Variants in PIN4 observed in about 807,000 individuals in gnomAD.
PIN4 encodes the protein peptidyl-prolyl cis-trans isomerase NIMA-interacting 4.
PIN4 carries 3 observed loss-of-function variants against 8.3 expected under a neutral mutation model. The observed-to-expected ratio is 0.36, with a 90% CI of 0.16 to 0.93. PIN4 has a LOEUF of 0.93. PIN4 is among the 40% of genes least tolerant of loss of function. PIN4 has a pLI of 0.44. For missense variants in PIN4, 75 were observed against 100.6 expected, an observed-to-expected ratio of 0.75 and a Z score of 1.09; for synonymous variants, 18 against 32.5, an observed-to-expected ratio of 0.55 and a Z score of 1.52.
In PIN4 at chrX:72,196,714, A is replaced by G. The variant is rs150898375; in HGVS notation, c.118-71A>G. ...TTTTTTAACTGGTGGGGGTAATCCAAATGTAACCACTGTACTTTAAGGAGT... is the reference window on the plus strand; with the variant it reads ...TTTTTTAACTGGTGGGGGTAATCCAGATGTAACCACTGTACTTTAAGGAGT... On this transcript the variant is annotated intron_variant, in intron 2 of 3. Coordinates refer to ENST00000373669, the MANE Select transcript of PIN4 (RefSeq NM_006223.4). The G allele has an allele frequency of 6.9e-3, 6,605 of 954,211 alleles. 270 individuals carry two copies. In the African/African-American group the frequency reaches 0.11, roughly 16 times the overall value. 78.6% of individuals were successfully genotyped at this position (954,211 alleles called of 1,213,427 possible).
intron 3 of PIN4, among the ~76,000 whole-genome samples, chrX:72,260,085 T>C (rs2043131906): frequency 9.0e-6 from 1 of 110,616 alleles, no homozygotes; most frequent in African/African-American, 3.3e-5. Context: ...TCTTCAACAG[T>C]TGGATCAAAC....
At chrX:72,258,410 A>G (rs2043122477) in intron 3 of PIN4, among the ~76,000 whole-genome samples, 1 of 112,381 alleles carries the variant, frequency 8.9e-6, no homozygotes, top group Non-Finnish European at 1.9e-5. Flanking sequence ...CTCCCCCCAC[A>G]GCCACACGCA....
At chrX:72,208,299 A>G in intron 3 of PIN4, 1 of 1,212,090 alleles carries the variant, frequency 8.3e-7, no homozygotes, top group Non-Finnish European at 1.1e-6. Context: ...ATGTGTTAAT[A>G]AGATTGGTTG....
chrX:72,196,194 C>T (rs1392301379), intron 2 of PIN4, among the ~76,000 whole-genome samples: 1 of 110,860 alleles, frequency 9.0e-6, no homozygotes, highest in Non-Finnish European at 1.9e-5. Flanking sequence ...GCTCTCAACC[C>T]GTATCGTGTT....
At chrX:72,182,003 GT>G (rs2042675743) in intron 1 of PIN4, 175 bp downstream of exon 1, 1 of 459,958 alleles carries the variant, frequency 2.2e-6, no homozygotes, top group Non-Finnish European at 3.9e-6. Flanking sequence ...GACCGTCCTA[GT>G]GGGTAATGGA....
chrX:72,196,680 ATG>A, intron 2 of PIN4, 103 bp from the exon 3 acceptor site: 1 of 652,622 alleles, frequency 1.5e-6, no homozygotes, highest in Non-Finnish European at 2.3e-6. Flanking sequence ...CTATGAACTA[ATG>A]TGTTTTTTTT....
In PIN4 at chrX:72,258,247, G is replaced by A. The variant is rs1374016077; in HGVS notation, c.313-4460G>A. Among the ~76,000 whole-genome samples the A allele has an allele frequency of 1.3e-4, 15 of 112,120 alleles. No individual in the cohort carries two copies. The East Asian group carries it at 4.2e-3, about 32-fold the overall frequency. ...CCCAGCTCTGCCTTGGATCGGCCCT[G>A]GCCCAGAGGACCTTTGAAACCTTCT... On this transcript the variant is annotated intron_variant, in intron 3 of 3. Coordinates refer to the PIN4 transcript ENST00000423432.
In PIN4 at chrX:72,249,314, T is replaced by A. The variant is rs374000933; in HGVS notation, c.313-13393T>A. On this transcript the variant is annotated intron_variant, in intron 3 of 3. Coordinates refer to the PIN4 transcript ENST00000423432. Reference sequence around the variant, plus strand: ...AATTTAAAAGACAGACAATACCAAGTGTTAGCAAAGATATGGAACAACTGT... The same window carrying A: ...AATTTAAAAGACAGACAATACCAAGAGTTAGCAAAGATATGGAACAACTGT... Among the ~76,000 whole-genome samples the A allele has an allele frequency of 2.7e-5, 3 of 112,090 alleles. No individual in the cohort carries two copies. The East Asian group carries it at 8.4e-4, about 31-fold the overall frequency.
chrX:72,229,164 C>T (rs778613481), intron 3 of PIN4, among the ~76,000 whole-genome samples: 56 of 111,815 alleles, frequency 5.0e-4, no homozygotes, highest in African/African-American at 1.7e-3. Flanking sequence ...ACAAGCTTCA[C>T]TTTGCTTTTC....
chrX:72,215,643 C>A (rs2042883490), intron 3 of PIN4, among the ~76,000 whole-genome samples: 1 of 111,386 alleles, frequency 9.0e-6, no homozygotes, highest in Non-Finnish European at 1.9e-5. Context: ...AATTTGAAGG[C>A]ATACAAAAAG....
rs764610497 is a variant in PIN4 at position 72,219,753 on chromosome X, G to A, written c.312+22849G>A. Among the ~76,000 whole-genome samples, 20 of 108,576 alleles carry A rather than the reference G, an allele frequency of 1.8e-4. No individual in the cohort carries two copies. In the East Asian group the frequency reaches 5.9e-3, roughly 32 times the overall value. 94.3% of individuals were successfully genotyped at this position (108,576 alleles called of 115,157 possible). ...CATCCCAGCTACTCAGGAGGCTGAG[G>A]CAGGAGAATCACTTGAACCCGGGAG... On this transcript the variant is annotated intron_variant, in intron 3 of 3. Coordinates refer to the PIN4 transcript ENST00000423432.
At chrX:72,183,399 T>TACACTCTATAAAA (rs1307887891) in intron 1 of PIN4, among the ~76,000 whole-genome samples, 1 of 111,404 alleles carries the variant, frequency 9.0e-6, no homozygotes, top group African/African-American at 3.3e-5. Flanking sequence ...CAATTATCCA[T>TACACTCTATAAAA]GGAGAGTTTA....
intron 3 of PIN4, among the ~76,000 whole-genome samples, chrX:72,262,141 G>C (rs1435693841): frequency 1.8e-5 from 2 of 111,996 alleles, no homozygotes; most frequent in Non-Finnish European, 1.9e-5. Flanking sequence ...CAACATATTT[G>C]TGATTATTTA....
At chrX:72,248,291 GAA>G (rs55908553) in intron 3 of PIN4, among the ~76,000 whole-genome samples, 3 of 54,889 alleles carry the variant, frequency 5.5e-5, no homozygotes, top group Non-Finnish European at 1.2e-4. Flanking sequence ...GCTCCATCCA[GAA>G]AAAAAAAAAA....
In PIN4 at chrX:72,205,422, G is replaced by A. The variant is rs748979456; in HGVS notation, c.312+8518G>A. The A allele has an allele frequency of 1.7e-5, 20 of 1,210,215 alleles. No homozygotes were observed. The East Asian group carries it at 3.6e-4, about 21-fold the overall frequency. The stretch of plus-strand genomic sequence containing the variant: ...CAGGACCCTTTGCTTCACTGCTGTC[G>A]TCAAGTCTTTCCTCCATGTCCTCCA... On this transcript the variant is annotated intron_variant, in intron 3 of 3. Coordinates refer to the PIN4 transcript ENST00000423432.
intron 3 of PIN4, among the ~76,000 whole-genome samples, chrX:72,261,956 C>T (rs985273802): frequency 1.2e-4 from 13 of 110,363 alleles, no homozygotes; most frequent in African/African-American, 4.0e-4. Context: ...TCTCCCCATC[C>T]TCTGAGTCCT....
At chrX:72,246,905 C>T (rs1314870476) in intron 3 of PIN4, among the ~76,000 whole-genome samples, 1 of 112,186 alleles carries the variant, frequency 8.9e-6, no homozygotes, top group East Asian at 2.8e-4. Context: ...ATCATGTGAG[C>T]TCTGTGAAGA....
chrX:72,211,931 C>G (rs1396457193), intron 3 of PIN4, among the ~76,000 whole-genome samples: 1 of 111,865 alleles, frequency 8.9e-6, no homozygotes, highest in Non-Finnish European at 1.9e-5. Flanking sequence ...TGGGTCATAA[C>G]CCCACCTAAA....
intron 3 of PIN4, among the ~76,000 whole-genome samples, chrX:72,213,029 A>C (rs1234948993): frequency 8.9e-6 from 1 of 112,389 alleles, no homozygotes; most frequent in East Asian, 2.8e-4. Context: ...CATGCAAAAC[A>C]ATCAGAAATG....
Sources: gnomAD v4.1 joint callset for allele counts (sites outside exome capture counted in the v4.1 genomes callset) on GRCh38, gnomAD v4.1.1 for gene constraint, MANE v1.5 for transcripts, NCBI Gene and HGNC (gene_info 2026-07-23, HGNC 2026-07-21) for gene names.